MTURN: variants seen among roughly 807,000 people sequenced by gnomAD.
MTURN encodes the protein maturin, neural progenitor differentiation regulator homolog.
In MTURN, 7 loss-of-function variants were observed where a neutral mutation model predicts 14.9. The observed-to-expected ratio is 0.47, with a 90% CI of 0.27 to 0.88. The LOEUF (loss-of-function observed/expected upper bound fraction) is 0.88. MTURN is among the 40% of genes least tolerant of loss of function. The pLI is 0.14. For synonymous variants in MTURN, 69 were observed against 72.5 expected (o/e 0.95, Z 0.25); for missense variants, 151 against 174.1 (o/e 0.87, Z 0.75).
chr7:30,158,407 A>C lies in MTURN; in HGVS notation c.*859A>C, dbSNP rs1283060998. On this transcript the variant is annotated 3_prime_UTR_variant, in exon 3 of 3. Coordinates refer to ENST00000324453, the MANE Select transcript of MTURN (RefSeq NM_152793.3). ...AACATCCAGAATTCAAGTGCCGCTT[A>C]AACTTTGAAGCCATAGATAAATTTG... 1.3e-5 allele frequency: 2 copies of C among 152,668 alleles called. No homozygotes were observed. Among genetic ancestry groups the C allele is most frequent in the African/African-American group, 2.4e-5 (1 of 41,464 alleles). The allele number at this position is 152,668 out of a possible 1,614,324, so 9.5% of individuals were successfully genotyped here. A position where few individuals can be genotyped will look rare whatever the true frequency, so the allele number is the denominator to read the frequency against.
chr7:30,137,318 G>A (rs865886776), intron 1 of MTURN: 12 of 238,944 alleles, frequency 5.0e-5, no homozygotes, highest in Admixed American at 2.7e-4. Flanking sequence ...CCTTCCTGCT[G>A]GGACCGCCCA....
At position 30,135,224 on chromosome 7, in the gene MTURN, A is replaced by C. The variant is rs1796926210; in HGVS notation, c.88A>C (p.Arg30=). The change falls in exon 1 of 3, where the codon AGG becomes CGG. Residue 30 remains arginine, a synonymous_variant. Coordinates refer to ENST00000324453, the MANE Select transcript of MTURN (RefSeq NM_152793.3). ...CATCGCCACCGAGGAGACCGAACGC[A>C]GGATGGATTTCTACGCCGACCCCGG... ...ELIATEETER[R]MDFYADPGVS... 6.6e-7 allele frequency: 1 copy of C among 1,519,106 alleles called. No individual in the cohort carries two copies. The highest frequency in any genetic ancestry group is 8.8e-7 in the Non-Finnish European group (1 of 1,131,886). 94.1% of individuals were successfully genotyped at this position (1,519,106 alleles called of 1,614,324 possible).
chr7:30,146,040 T>C (rs1446643912), intron 1 of MTURN, 137 bp from the exon 2 acceptor site: 4 of 1,584,448 alleles, frequency 2.5e-6, no homozygotes, highest in Non-Finnish European at 3.4e-6. Context: ...AGAACGCATG[T>C]ATGAATTTTA....
At chr7:30,154,268 A>G (rs1362783149) in intron 2 of MTURN, among the ~76,000 whole-genome samples, 2 of 152,088 alleles carry the variant, frequency 1.3e-5, no homozygotes, top group East Asian at 1.9e-4. Flanking sequence ...TGCAGTGTAT[A>G]TAGGATTTTC....
chr7:30,159,580 G>A lies in MTURN; in HGVS notation c.*2032G>A, dbSNP rs1797339209. 1 of 152,626 alleles carries A rather than the reference G, an allele frequency of 6.6e-6. No individual in the cohort carries two copies. The highest frequency in any genetic ancestry group is 6.5e-5 in the Admixed American group (1 of 15,274). 9.5% of individuals were successfully genotyped at this position (152,626 alleles called of 1,614,324 possible). A position where few individuals can be genotyped will look rare whatever the true frequency, so the allele number is the denominator to read the frequency against. ...TACATGTTGGTATTATCATGTTAAT[G>A]TTCTCTGTTTATAAAAATTGAGTGG... On this transcript the variant is annotated 3_prime_UTR_variant, in exon 3 of 3. Transcript: ENST00000324453.
chr7:30,139,793 C>T (rs1012340663), intron 1 of MTURN, among the ~76,000 whole-genome samples: 1 of 152,186 alleles, frequency 6.6e-6, no homozygotes, highest in Non-Finnish European at 1.5e-5. Context: ...GCTCCACAGG[C>T]CATCCCATCC....
At chr7:30,147,929 A>G (rs1480800363) in intron 2 of MTURN, among the ~76,000 whole-genome samples, 2 of 152,220 alleles carry the variant, frequency 1.3e-5, no homozygotes, top group African/African-American at 2.4e-5. Flanking sequence ...CATTCATTCA[A>G]TAAATATGTT....
At chr7:30,142,113 T>C (rs1233984616) in intron 1 of MTURN, among the ~76,000 whole-genome samples, 4 of 152,216 alleles carry the variant, frequency 2.6e-5, no homozygotes, top group African/African-American at 4.8e-5. Flanking sequence ...GACCACTTTT[T>C]GATAAACTGG....
intron 2 of MTURN, among the ~76,000 whole-genome samples, chr7:30,150,209 C>T (rs1218368377): frequency 1.3e-5 from 2 of 152,064 alleles, no homozygotes; most frequent in Non-Finnish European, 2.9e-5. Flanking sequence ...ACGGTAGGCA[C>T]TAAGTCAATG....
rs1471040152 is a variant in MTURN at position 30,149,408 on chromosome 7, C to T, written c.285+3109C>T. 2.6e-5 allele frequency among the ~76,000 whole-genome samples: 4 copies of T among 152,290 alleles called. No individual in the cohort carries two copies. In the East Asian group the frequency reaches 7.7e-4, roughly 29 times the overall value. ...GTTTGTGGGCTGGGCCGCCCTCTGG[C>T]AGGGCCGGTTTACCCCTGAGGGCAA... On this transcript the variant is annotated intron_variant, in intron 2 of 2. Coordinates refer to ENST00000324453, the MANE Select transcript of MTURN (RefSeq NM_152793.3).
rs962807416 is a variant in MTURN at position 30,162,418 on chromosome 7, A to C, written c.*4870A>C. 6.6e-6 allele frequency: 1 copy of C among 152,296 alleles called. No homozygotes were observed. Among genetic ancestry groups the C allele is most frequent in the Non-Finnish European group, 1.5e-5 (1 of 68,008 alleles). 9.4% of individuals were successfully genotyped at this position (152,296 alleles called of 1,614,324 possible). ...TCCGTGATCCAGTCTTAATTTGAGC[A>C]TGAGAGCAAAATTTAGTCATCTACA... On this transcript the variant is annotated 3_prime_UTR_variant, in exon 3 of 3. Transcript: ENST00000324453.
At chr7:30,152,668 C>T (rs1362755699) in intron 2 of MTURN, among the ~76,000 whole-genome samples, 2 of 152,172 alleles carry the variant, frequency 1.3e-5, no homozygotes, top group East Asian at 1.9e-4. Flanking sequence ...CTCCAGGGTA[C>T]AGACACCACC....
chr7:30,141,677 C>A (rs1797055238), intron 1 of MTURN, among the ~76,000 whole-genome samples: 8 of 152,114 alleles, frequency 5.3e-5, no homozygotes, highest in Admixed American at 5.2e-4. Flanking sequence ...TGCGCACCAC[C>A]ACACCCAGCT....
intron 1 of MTURN, among the ~76,000 whole-genome samples, chr7:30,144,068 G>A (rs1180105395): frequency 6.6e-6 from 1 of 152,200 alleles, no homozygotes; most frequent in Non-Finnish European, 1.5e-5. Flanking sequence ...CCTTGTGGCA[G>A]ATGGTAAGCC....
chr7:30,135,330 G>C (rs1796928947), intron 1 of MTURN, 32 bp downstream of exon 1: 2 of 1,485,524 alleles, frequency 1.3e-6, no homozygotes, highest in Non-Finnish European at 1.8e-6. Flanking sequence ...CGCCGGAGCC[G>C]GCGGGAGTGT....
intron 2 of MTURN, among the ~76,000 whole-genome samples, chr7:30,155,588 C>T (rs1157838057): frequency 6.6e-6 from 1 of 152,206 alleles, no homozygotes; most frequent in African/African-American, 2.4e-5. Context: ...GAGCTGAGAG[C>T]GCTCTTCCTG....
chr7:30,141,229 G>A (rs10232063), intron 1 of MTURN: 110,142 of 151,838 alleles, frequency 0.73, 41,045 homozygotes, highest in East Asian at 0.94. Flanking sequence ...AGCCTGGCCA[G>A]CCTGGTGAAA....
rs1013041425 is a variant in MTURN, at chr7:30,136,536, A to T, written c.162+1238A>T. On this transcript the variant is annotated intron_variant, in intron 1 of 2. Coordinates refer to ENST00000324453, the MANE Select transcript of MTURN (RefSeq NM_152793.3). ...GGTCCTGCCGCCGAGCGCCCTGACC[A>T]CCTACGGGAAGTTCGCGAAGGAGTT... Among the ~76,000 whole-genome samples, 6 of 152,152 alleles carry T rather than the reference A, an allele frequency of 3.9e-5. No individual in the cohort carries two copies. In the East Asian group the frequency reaches 1.2e-3, roughly 29 times the overall value.
At chr7:30,143,197 A>G (rs10488088) in intron 1 of MTURN, among the ~76,000 whole-genome samples, 19,727 of 152,012 alleles carry the variant, frequency 0.13, 1,382 homozygotes, top group African/African-American at 0.15. Flanking sequence ...ATCTGTGGAC[A>G]CTACCTCGTG....
Sources: gnomAD v4.1 joint callset for allele counts (sites outside exome capture counted in the v4.1 genomes callset) on GRCh38, gnomAD v4.1.1 for gene constraint, MANE v1.5 for transcripts, NCBI Gene and HGNC (gene_info 2026-07-23, HGNC 2026-07-21) for gene names.